Variants in TTBK2 observed in about 807,000 individuals in gnomAD.
The protein encoded by TTBK2 is tau-tubulin kinase 2.
Under a neutral mutation model 110.8 loss-of-function variants are expected in TTBK2, and 28 were observed. The ratio of observed to expected loss-of-function variants is 0.25; its 90% CI spans 0.19 to 0.35. The LOEUF (loss-of-function observed/expected upper bound fraction) is 0.35. TTBK2 is among the 10% of genes least tolerant of loss of function. The probability of loss-of-function intolerance (pLI) is 1.00; values close to 1 mark genes in which losing one functional copy is unlikely to be tolerated. For synonymous variants in TTBK2, 532 were observed against 527.3 expected (o/e 1.01, Z -0.12); for missense variants, 1,369 against 1,500.3 (o/e 0.91, Z 1.45).
chr15:42,853,890 T>A (rs554099039), intron 3 of TTBK2, among the ~76,000 whole-genome samples: 1,820 of 151,534 alleles, frequency 0.012, 38 homozygotes, highest in African/African-American at 0.041. Context: ...CAAAAAAAAA[T>A]AAAAAATAAA....
At position 42,903,262 on chromosome 15, in the gene TTBK2, G is replaced by A. The variant is rs186681746; in HGVS notation, c.-68+17176C>T. Among the ~76,000 whole-genome samples, 20 of 152,214 alleles carry A rather than the reference G, an allele frequency of 1.3e-4. 1 individual carries two copies. Among genetic ancestry groups the A allele is most frequent in the Admixed American group, 1.3e-3 (20 of 15,278 alleles). ...AGAAAGTAGAATGATGGTTACCAAG[G>A]GCCATGGTGAGGAGGTATTGAAAAT... On this transcript the variant is annotated intron_variant, in intron 1 of 14. Transcript: ENST00000267890.
At chr15:42,878,337 T>A (rs2141131666) in intron 2 of TTBK2, among the ~76,000 whole-genome samples, 1 of 152,212 alleles carries the variant, frequency 6.6e-6, no homozygotes, top group East Asian at 1.9e-4. Flanking sequence ...AATTTAGTAC[T>A]ATACGAAGCA....
intron 3 of TTBK2, among the ~76,000 whole-genome samples, chr15:42,869,191 G>A (rs1411537852): frequency 1.3e-5 from 2 of 152,044 alleles, no homozygotes; most frequent in African/African-American, 2.4e-5. Flanking sequence ...GGGCTCAAGC[G>A]ATTCTCATAC....
intron 3 of TTBK2, among the ~76,000 whole-genome samples, chr15:42,861,776 T>C (rs150927884): frequency 7.1e-4 from 108 of 151,556 alleles, no homozygotes; most frequent in Non-Finnish European, 1.1e-3. Context: ...GACACAAAAA[T>C]CCATACAAAT....
chr15:42,876,150 C>T (rs182969414), intron 2 of TTBK2, among the ~76,000 whole-genome samples: 4 of 152,222 alleles, frequency 2.6e-5, no homozygotes, highest in East Asian at 1.9e-4. Context: ...CAAATTCCTA[C>T]GTCACAAAAC....
At chr15:42,874,710 G>A (rs189155479) in intron 2 of TTBK2, among the ~76,000 whole-genome samples, 14 of 151,692 alleles carry the variant, frequency 9.2e-5, no homozygotes, top group South Asian at 6.3e-4. Context: ...AGAAGTGGCC[G>A]GGCGCGGTGG....
intron 3 of TTBK2, among the ~76,000 whole-genome samples, chr15:42,857,079 C>A (rs1200167733): frequency 1.3e-5 from 2 of 150,442 alleles, no homozygotes; most frequent in Non-Finnish European, 3.0e-5. Context: ...AAAAAAAAAT[C>A]TATCAATATT....
At chr15:42,812,033 A>G (rs951338847) in intron 7 of TTBK2, among the ~76,000 whole-genome samples, 2 of 152,232 alleles carry the variant, frequency 1.3e-5, no homozygotes, top group Non-Finnish European at 2.9e-5. Flanking sequence ...TGGAAGTAAT[A>G]TAACAGCCCA....
rs571857580 is a variant in TTBK2, at chr15:42,855,929, A to C, written c.218-15496T>G. 1.3e-5 allele frequency among the ~76,000 whole-genome samples: 2 copies of C among 152,068 alleles called. 1 individual carries two copies. The highest frequency in any genetic ancestry group is 4.1e-4 in the South Asian group (2 of 4,830). Reference sequence around the variant, plus strand: ...GATCTCCTGACCTTGTGATCTGCCCACCTCAGCCTCCCAAAGTGCTAGGAT... The same window carrying C: ...GATCTCCTGACCTTGTGATCTGCCCCCCTCAGCCTCCCAAAGTGCTAGGAT... On this transcript the variant is annotated intron_variant, in intron 3 of 14. Transcript: ENST00000267890.
At chr15:42,899,517 G>C (rs2141185435) in intron 1 of TTBK2, among the ~76,000 whole-genome samples, 1 of 152,050 alleles carries the variant, frequency 6.6e-6, no homozygotes, top group African/African-American at 2.4e-5. Context: ...GAGGCAGGCG[G>C]ATCACGAGGT....
chr15:42,815,952 A>T (rs1174616176), intron 7 of TTBK2, among the ~76,000 whole-genome samples: 2 of 33,414 alleles, frequency 6.0e-5, no homozygotes, highest in East Asian at 9.5e-4. Context: ...ATATATTTAA[A>T]AAAAAAATAT....
In TTBK2 at chr15:42,745,983, G is replaced by C. The variant is rs1383395073; in HGVS notation, c.3547C>G (p.Pro1183Ala). Residue 1183 changes from proline (P) to alanine (A), a missense_variant, in exon 15 of 15, where the codon CCA becomes GCA. Physicochemically the swap from Pro to Ala is conservative, Grantham distance 27. Transcript: ENST00000267890. Reference protein sequence around the residue: ...RPHHDQRSSSPHLGRSKSPPS... With the variant: ...RPHHDQRSSSAHLGRSKSPPS... ...GGTGACTTGCTTCTCCCCAGATGTG[G>C]GGACGAACTCCTCTGGTCATGGTGG... 6.2e-7 allele frequency: 1 copy of C among 1,614,110 alleles called. No individual in the cohort carries two copies. The highest frequency in any genetic ancestry group is 1.6e-4 in the Middle Eastern group (1 of 6,062).
Position 42,775,636 on chromosome 15 carries a change from G to A in TTBK2, c.1497C>T (p.Ser499=). 6.2e-7 allele frequency: 1 copy of A among 1,613,470 alleles called. No individual in the cohort carries two copies. The highest frequency in any genetic ancestry group is 8.5e-7 in the Non-Finnish European group (1 of 1,179,628). Residue 499 remains serine (S), a synonymous_variant, in exon 13 of 15, where the codon TCC becomes TCT. Coordinates refer to ENST00000267890, the MANE Select transcript of TTBK2 (RefSeq NM_173500.4). ...LLHKPCVPAV[S]RTDHIWHYDE... ...CATAGTGCCAGATGTGGTCAGTACG[G>A]GACACAGCAGGAACGCAAGGCTTAT...
chr15:42,797,606 C>T (rs1451564566), intron 9 of TTBK2, among the ~76,000 whole-genome samples: 1 of 152,152 alleles, frequency 6.6e-6, no homozygotes, highest in Non-Finnish European at 1.5e-5. Flanking sequence ...TCCTAACCTT[C>T]CTCAGATTGG....
At chr15:42,862,462 TAAAC>T (rs1334493052) in intron 3 of TTBK2, among the ~76,000 whole-genome samples, 3 of 152,074 alleles carry the variant, frequency 2.0e-5, no homozygotes, top group Non-Finnish European at 4.4e-5. Flanking sequence ...ATTCACCACA[TAAAC>T]AGAATTAAAA....
intron 1 of TTBK2, 24 bp downstream of exon 1, chr15:42,920,414 G>C (rs1431578524): frequency 2.6e-5 from 4 of 152,684 alleles, no homozygotes; most frequent in Non-Finnish European, 5.8e-5. Flanking sequence ...GCGGCGCCCT[G>C]GGGGGTCGGG....
At chr15:42,756,975 G>C (rs1006679338) in intron 13 of TTBK2, among the ~76,000 whole-genome samples, 1 of 152,222 alleles carries the variant, frequency 6.6e-6, no homozygotes, top group South Asian at 2.1e-4. Context: ...GAGCAATTAT[G>C]ATAAACTGTG....
chr15:42,855,949 T>G (rs1451486495), intron 3 of TTBK2, among the ~76,000 whole-genome samples: 1 of 152,214 alleles, frequency 6.6e-6, no homozygotes, highest in African/African-American at 2.4e-5. Context: ...CCCAAAGTGC[T>G]AGGATTACAG....
chr15:42,916,637 T>C (rs1181567837), intron 1 of TTBK2, among the ~76,000 whole-genome samples: 2 of 152,122 alleles, frequency 1.3e-5, no homozygotes, highest in African/African-American at 4.8e-5. Flanking sequence ...GGCTGAAAAA[T>C]GGTGATAAAA....
Sources: gnomAD v4.1 joint callset for allele counts (sites outside exome capture counted in the v4.1 genomes callset) on GRCh38, gnomAD v4.1.1 for gene constraint, MANE v1.5 for transcripts, NCBI Gene and HGNC (gene_info 2026-07-23, HGNC 2026-07-21) for gene names.